Variants in MYO16 observed in about 807,000 individuals in gnomAD.
MYO16 encodes myosin XVI.
Under a neutral mutation model 205.3 loss-of-function variants are expected in MYO16, and 94 were observed. The observed-to-expected ratio is 0.46, with a 90% CI of 0.39 to 0.54. The LOEUF (loss-of-function observed/expected upper bound fraction) is 0.54. MYO16 is among the 20% of genes least tolerant of loss of function. The probability of loss-of-function intolerance (pLI) is 0.00; values close to 1 mark genes in which losing one functional copy is unlikely to be tolerated. For missense variants in MYO16, 2,315 were observed against 2,387.5 expected (o/e 0.97, Z 0.63); for synonymous variants, 988 against 954.0 (o/e 1.04, Z -0.66).
intron 2 of MYO16, among the ~76,000 whole-genome samples, chr13:108,696,370 G>T (rs185062147): frequency 1.3e-5 from 2 of 152,074 alleles, no homozygotes; most frequent in Non-Finnish European, 2.9e-5. Flanking sequence ...CACAAAGTAT[G>T]GTATACTTAT....
chr13:108,578,954 A>G, the MYO16 span, among the ~76,000 whole-genome samples: 1 of 150,536 alleles, frequency 6.6e-6, no homozygotes, highest in African/African-American at 2.4e-5. Flanking sequence ...TTTATTTTAC[A>G]TATACAGTTA....
At chr13:108,592,509 G>T (rs1221394255), upstream of MYO16, among the ~76,000 whole-genome samples, 4 of 134,584 alleles carry the variant, frequency 3.0e-5, no homozygotes, top group Admixed American at 3.0e-4. Context: ...TGTGGGGTGT[G>T]GGGGTTGTAT....
At chr13:108,774,241 T>C (rs1886058483) in intron 4 of MYO16, among the ~76,000 whole-genome samples, 2 of 152,230 alleles carry the variant, frequency 1.3e-5, no homozygotes, top group Admixed American at 1.3e-4. Context: ...TGGGGAAATA[T>C]ACACCTCTTG....
intron 2 of MYO16, among the ~76,000 whole-genome samples, chr13:108,699,883 C>A (rs2139515901): frequency 6.6e-6 from 1 of 152,148 alleles, no homozygotes; most frequent in East Asian, 1.9e-4. Flanking sequence ...TTTTTAGGGA[C>A]TCTTCTGTCA....
chr13:108,903,302 G>T (rs1169698986), intron 15 of MYO16, among the ~76,000 whole-genome samples: 1 of 152,140 alleles, frequency 6.6e-6, no homozygotes, highest in East Asian at 1.9e-4. Context: ...ATTTCTTGCT[G>T]TGCCTAATTT....
intron 33 of MYO16, among the ~76,000 whole-genome samples, chr13:109,170,206 TTA>T (rs1878869440): frequency 6.6e-6 from 1 of 151,932 alleles, no homozygotes; most frequent in Non-Finnish European, 1.5e-5. Context: ...CAACGTTTAT[TTA>T]AATTAAAAAC....
At chr13:109,121,494 C>T (rs891490879) in intron 29 of MYO16, among the ~76,000 whole-genome samples, 3 of 152,166 alleles carry the variant, frequency 2.0e-5, no homozygotes, top group Non-Finnish European at 1.5e-5. Flanking sequence ...CTCCTTTGGC[C>T]GGTCATTTGT....
chr13:108,837,553 A>C (rs1876994048), intron 9 of MYO16, among the ~76,000 whole-genome samples: 1 of 152,236 alleles, frequency 6.6e-6, no homozygotes, highest in Admixed American at 6.5e-5. Flanking sequence ...GGCTTGATAC[A>C]TACTTAGATA....
At chr13:108,997,523 G>T (rs933553533) in intron 21 of MYO16, among the ~76,000 whole-genome samples, 10 of 152,036 alleles carry the variant, frequency 6.6e-5, no homozygotes, top group Admixed American at 6.6e-4. Flanking sequence ...CAAAATAAAA[G>T]CTCCCTTTGC....
At chr13:109,015,603 G>C (rs1885781633) in intron 22 of MYO16, among the ~76,000 whole-genome samples, 1 of 152,130 alleles carries the variant, frequency 6.6e-6, no homozygotes, top group African/African-American at 2.4e-5. Flanking sequence ...GGACTTTTTT[G>C]GTTTGTAGGC....
At chr13:108,954,878 A>C (rs548413712) in intron 16 of MYO16, among the ~76,000 whole-genome samples, 1 of 152,278 alleles carries the variant, frequency 6.6e-6, no homozygotes, top group East Asian at 1.9e-4. Flanking sequence ...TCCAAACCCC[A>C]GCTTGCTCAC....
chr13:109,100,931 A>C, intron 28 of MYO16, 44 bp downstream of exon 28: 1 of 1,541,736 alleles, frequency 6.5e-7, no homozygotes, highest in Non-Finnish European at 8.9e-7. Flanking sequence ...TAGGATTTTA[A>C]ATAAATGAGC....
rs1419688578 is a variant in MYO16 at position 109,140,787 on chromosome 13, C to T, written c.4575C>T (p.Ser1525=). The change falls in exon 32 of 35, where the codon TCC becomes TCT. Residue 1525 remains serine (S), a synonymous_variant. Transcript: ENST00000457511. This position sits in a 1 kb window ranked among gnomAD's most constrained non-coding sequence, Gnocchi z 8.0. ...LVFPPTPVTC[S]PASDESPLTP... is the part of the protein sequence containing the mutation. ...TCCCCCCGACCCCCGTCACCTGCTC[C>T]CCCGCCTCCGACGAGTCGCCCCTGA... The T allele has an allele frequency of 6.3e-7, 1 of 1,575,748 alleles. No homozygotes were observed. The highest frequency in any genetic ancestry group is 1.4e-5 in the African/African-American group (1 of 71,184).
At chr13:109,139,753 A>G (rs1296215388) in intron 31 of MYO16, among the ~76,000 whole-genome samples, 1 of 152,150 alleles carries the variant, frequency 6.6e-6, no homozygotes, top group Admixed American at 6.5e-5. Context: ...AGAACAGAAA[A>G]TTTTACAATG....
intron 1 of MYO16, among the ~76,000 whole-genome samples, chr13:108,658,305 T>C (rs978174669): frequency 6.6e-6 from 1 of 152,110 alleles, no homozygotes; most frequent in African/African-American, 2.4e-5. Flanking sequence ...TTTTTGTAAG[T>C]TATATTGTTC....
the MYO16 span, among the ~76,000 whole-genome samples, chr13:108,529,757 G>T: frequency 2.0e-5 from 3 of 151,944 alleles, no homozygotes; most frequent in Non-Finnish European, 4.4e-5. Context: ...TAACCACAAG[G>T]GTTCTCATTT....
At chr13:108,957,533 T>A (rs1883417169) in intron 16 of MYO16, among the ~76,000 whole-genome samples, 155 bp from the exon 17 acceptor site, 1 of 152,164 alleles carries the variant, frequency 6.6e-6, no homozygotes, top group Non-Finnish European at 1.5e-5. Context: ...AGATATCATG[T>A]GCTGTGATGC....
intron 23 of MYO16, chr13:109,028,381 T>C (rs1175775385): frequency 6.3e-6 from 2 of 316,402 alleles, no homozygotes; most frequent in Non-Finnish European, 1.2e-5. Context: ...TTTTAGTTTA[T>C]GTTAATGTAA....
chr13:108,732,064 A>G (rs962073905), intron 4 of MYO16, among the ~76,000 whole-genome samples: 4 of 152,220 alleles, frequency 2.6e-5, no homozygotes, highest in African/African-American at 9.7e-5. Flanking sequence ...TAAAAATTCT[A>G]ATTATTGTAA....
Sources: allele counts gnomAD v4.1 joint callset (sites outside exome capture counted in the v4.1 genomes callset), GRCh38; gene constraint gnomAD v4.1.1; non-coding constraint Gnocchi (gnomAD v3.1); transcripts MANE v1.5; gene names NCBI Gene and HGNC (gene_info 2026-07-23, HGNC 2026-07-21).